PDE5A: variants seen among roughly 807,000 people sequenced by gnomAD.
PDE5A encodes cGMP-specific 3',5'-cyclic phosphodiesterase.
PDE5A carries 67 observed loss-of-function variants against 110.2 expected under a neutral mutation model. The observed-to-expected ratio is 0.61, with a 90% CI of 0.50 to 0.75. The LOEUF is 0.75. PDE5A is among the 30% of genes least tolerant of loss of function. The probability of loss-of-function intolerance (pLI) is 0.00; values close to 1 mark genes in which losing one functional copy is unlikely to be tolerated. For synonymous variants in PDE5A, 328 were observed against 351.2 expected (o/e 0.93, Z 0.74); for missense variants, 862 against 1,045.1 (o/e 0.82, Z 2.42).
At chr4:119,506,528 G>A (rs1725559356) in intron 16 of PDE5A, among the ~76,000 whole-genome samples, 1 of 151,654 alleles carries the variant, frequency 6.6e-6, no homozygotes. Context: ...TATCTACCTG[G>A]AGACACAAGA....
intron 3 of PDE5A, among the ~76,000 whole-genome samples, chr4:119,588,917 T>C (rs1255256615): frequency 6.6e-6 from 1 of 152,160 alleles, no homozygotes; most frequent in East Asian, 1.9e-4. Context: ...CATATTTGCA[T>C]CAAAGAATTG....
chr4:119,595,180 T>A (rs1729111561), intron 3 of PDE5A, among the ~76,000 whole-genome samples: 1 of 151,970 alleles, frequency 6.6e-6, no homozygotes, highest in South Asian at 2.1e-4. Flanking sequence ...CAATGGGGTT[T>A]GGTAACACAC....
intron 2 of PDE5A, 43 bp from the exon 3 acceptor site, chr4:119,596,655 A>T (rs535360452): frequency 1.4e-5 from 16 of 1,106,600 alleles, no homozygotes; most frequent in Non-Finnish European, 2.1e-5. Context: ...TGACCTGTTC[A>T]AAGATTGATT....
chr4:119,603,440 T>C (rs1729416077), intron 2 of PDE5A, among the ~76,000 whole-genome samples: 1 of 152,134 alleles, frequency 6.6e-6, no homozygotes, highest in African/African-American at 2.4e-5. Context: ...GGTAGTTGCA[T>C]GATGGTGGGC....
chr4:119,594,038 G>T (rs537746211), intron 3 of PDE5A, among the ~76,000 whole-genome samples: 1 of 152,164 alleles, frequency 6.6e-6, no homozygotes, highest in Admixed American at 6.5e-5. Flanking sequence ...CCCTTGATAC[G>T]TAGGGATTAT....
intron 11 of PDE5A, among the ~76,000 whole-genome samples, chr4:119,533,583 A>G (rs1041181898): frequency 2.0e-5 from 3 of 152,190 alleles, no homozygotes; most frequent in African/African-American, 7.2e-5. Flanking sequence ...AAAGAAATGA[A>G]TCAGGCACAG....
chr4:119,591,900 C>G (rs1008209726), intron 3 of PDE5A, among the ~76,000 whole-genome samples: 3 of 151,954 alleles, frequency 2.0e-5, no homozygotes, highest in Admixed American at 2.0e-4. Flanking sequence ...GCCTGTAATC[C>G]CAGCACTTTG....
At chr4:119,536,841 T>A (rs543407195) in intron 11 of PDE5A, among the ~76,000 whole-genome samples, 1 of 152,248 alleles carries the variant, frequency 6.6e-6, no homozygotes, top group South Asian at 2.1e-4. Context: ...CCTTACAACC[T>A]AATGAGATCC....
At chr4:119,565,860 T>C (rs1331901622) in intron 4 of PDE5A, among the ~76,000 whole-genome samples, 4 of 151,484 alleles carry the variant, frequency 2.6e-5, no homozygotes, top group Admixed American at 1.3e-4. Flanking sequence ...ACATTAAATA[T>C]GTCATTTTTA....
intron 1 of PDE5A, 60 bp from the exon 2 acceptor site, chr4:119,607,357 G>C: frequency 1.0e-6 from 1 of 1,000,566 alleles, no homozygotes; most frequent in Non-Finnish European, 1.5e-6. Flanking sequence ...CTATGCCTGA[G>C]AGCTCCTAAA....
intron 1 of PDE5A, among the ~76,000 whole-genome samples, chr4:119,608,586 C>CA (rs1201542000): frequency 1.3e-5 from 2 of 151,996 alleles, no homozygotes; most frequent in Non-Finnish European, 2.9e-5. Flanking sequence ...AAAACAAAAA[C>CA]AAAAAAACCT....
At position 119,542,556 on chromosome 4, in the gene PDE5A, A is replaced by G. The variant is rs376685056; in HGVS notation, c.1475T>C (p.Leu492Pro). The G allele has an allele frequency of 6.8e-5, 109 of 1,613,964 alleles. No individual in the cohort carries two copies. The highest frequency in any genetic ancestry group is 9.2e-5 in the Non-Finnish European group (108 of 1,179,952). The change falls in exon 10 of 21, where the codon CTG becomes CCG. Residue 492 changes from leucine (L) to proline (P), a missense_variant. Physicochemically the swap from Leu to Pro is moderately conservative, Grantham distance 98 (BLOSUM62 -3). Coordinates refer to ENST00000354960, the MANE Select transcript of PDE5A (RefSeq NM_001083.4). The part of the protein sequence containing the change: ...KPFNRNDEQF[L>P]EAFVIFCGLG... Reference sequence around the variant, plus strand: ...GCCACAAAAGATGACAAAAGCTTCCAGAAACTGTTCGTCATTTCGGTTGAA... The same window carrying G: ...GCCACAAAAGATGACAAAAGCTTCCGGAAACTGTTCGTCATTTCGGTTGAA...
chr4:119,627,319 G>A lies in PDE5A; in HGVS notation c.152+1201C>T. ...TCACGGCCCCGGCCTCCGCGCCGCC[G>A]CCCGTCGCCTCCCGCTCGCCCCGCG... On this transcript the variant is annotated intron_variant, in intron 1 of 20. Coordinates refer to ENST00000354960, the MANE Select transcript of PDE5A (RefSeq NM_001083.4). The surrounding 1 kb of genome is among the most constrained non-coding windows in gnomAD (Gnocchi z 4.6). 4 of 1,196,694 alleles carry A rather than the reference G, an allele frequency of 3.3e-6. No homozygotes were observed. Among genetic ancestry groups the A allele is most frequent in the South Asian group, 5.8e-5 (2 of 34,696 alleles). The allele number at this position is 1,196,694 out of a possible 1,614,324, so 74.1% of individuals were successfully genotyped here.
At chr4:119,581,135 G>A (rs569589830) in intron 3 of PDE5A, among the ~76,000 whole-genome samples, 1 of 152,298 alleles carries the variant, frequency 6.6e-6, no homozygotes, top group Admixed American at 6.5e-5. Context: ...AAAGCTTCCT[G>A]ATAATTACAG....
intron 11 of PDE5A, chr4:119,528,768 C>T (rs1476415682): frequency 6.6e-6 from 1 of 152,164 alleles, no homozygotes; most frequent in Non-Finnish European, 1.5e-5. Flanking sequence ...TGCCTCCTCA[C>T]TCTGGAACCA....
chr4:119,578,861 T>A (rs1728482160), intron 3 of PDE5A, among the ~76,000 whole-genome samples: 2 of 152,066 alleles, frequency 1.3e-5, no homozygotes, highest in African/African-American at 4.8e-5. Flanking sequence ...ACTAAAGAGC[T>A]TCTGCACAGC....
At chr4:119,619,754 G>T (rs1314505481) in intron 1 of PDE5A, among the ~76,000 whole-genome samples, 1 of 152,132 alleles carries the variant, frequency 6.6e-6, no homozygotes, top group Non-Finnish European at 1.5e-5. Context: ...AAGGAAACAC[G>T]CATTATTTCC....
At chr4:119,568,587 T>C (rs1361802712) in intron 3 of PDE5A, among the ~76,000 whole-genome samples, 2 of 152,096 alleles carry the variant, frequency 1.3e-5, no homozygotes, top group Non-Finnish European at 2.9e-5. Flanking sequence ...TATAGCGTAG[T>C]AGGATGGTGG....
intron 13 of PDE5A, 86 bp downstream of exon 13, chr4:119,520,849 C>A: frequency 3.5e-6 from 4 of 1,140,868 alleles, no homozygotes; most frequent in Non-Finnish European, 3.7e-6. Flanking sequence ...CATTGTGCAC[C>A]TTAAAGTGAA....
Sources: allele counts gnomAD v4.1 joint callset (sites outside exome capture counted in the v4.1 genomes callset), GRCh38; gene constraint gnomAD v4.1.1; non-coding constraint Gnocchi (gnomAD v3.1); transcripts MANE v1.5; gene names NCBI Gene and HGNC (gene_info 2026-07-23, HGNC 2026-07-21).